PPFIBP2: variants seen among roughly 807,000 people sequenced by gnomAD.
The protein encoded by PPFIBP2 is liprin-beta-2.
Under a neutral mutation model 118.3 loss-of-function variants are expected in PPFIBP2, and 118 were observed. The ratio of observed to expected loss-of-function variants is 1.00; its 90% CI spans 0.86 to 1.16. The LOEUF (loss-of-function observed/expected upper bound fraction) is 1.16, where lower values mean the gene tolerates loss of function less well. PPFIBP2 is among the 50% of genes most tolerant of loss of function. PPFIBP2 has a pLI of 0.00. For missense variants in PPFIBP2, 1,195 were observed against 1,073.1 expected, an observed-to-expected ratio of 1.11 and a Z score of -1.59; for synonymous variants, 414 against 397.4, an observed-to-expected ratio of 1.04 and a Z score of -0.50.
intron 1 of PPFIBP2, among the ~76,000 whole-genome samples, chr11:7,542,433 C>A (rs1851895525): frequency 6.6e-6 from 1 of 152,190 alleles, no homozygotes; most frequent in Admixed American, 6.5e-5. Context: ...TATATATCCA[C>A]ACAATTTAAA....
chr11:7,550,017 A>G (rs1852784401), intron 2 of PPFIBP2, among the ~76,000 whole-genome samples: 1 of 152,158 alleles, frequency 6.6e-6, no homozygotes, highest in Non-Finnish European at 1.5e-5. Context: ...TTTATGCCAT[A>G]TTGTTTTTTA....
rs1236132685 is a variant in PPFIBP2 at position 7,634,546 on chromosome 11, G to A, written c.1188G>A (p.Val396=). The change falls in exon 13 of 24, where the codon GTG becomes GTA. Residue 396 remains valine, a synonymous_variant. Transcript: ENST00000299492. ...TAGAAGACTTGAGAAGTGAATCTGT[G>A]GATAAGGTCGGCTCATCAACCTATC... ...CSLEDLRSES[V]DKCMDGNQPF... 5 of 1,612,850 alleles carry A rather than the reference G, an allele frequency of 3.1e-6. No individual in the cohort carries two copies. Among genetic ancestry groups the A allele is most frequent in the Non-Finnish European group, 4.2e-6 (5 of 1,179,056 alleles).
chr11:7,519,796 C>T (rs1235089918), intron 1 of PPFIBP2, among the ~76,000 whole-genome samples: 2 of 152,108 alleles, frequency 1.3e-5, no homozygotes, highest in East Asian at 1.9e-4. Flanking sequence ...AGATGATCAG[C>T]GAGTGCCTGG....
chr11:7,541,825 T>A (rs1385161624), intron 1 of PPFIBP2, among the ~76,000 whole-genome samples: 1 of 152,090 alleles, frequency 6.6e-6, no homozygotes, highest in Non-Finnish European at 1.5e-5. Context: ...ACACCCCACA[T>A]TGTTGCTCCT....
chr11:7,664,730 G>A, the PPFIBP2 span, among the ~76,000 whole-genome samples: 1 of 152,166 alleles, frequency 6.6e-6, no homozygotes, highest in Admixed American at 6.5e-5. Context: ...GGTGGCCAGA[G>A]TGGGGTCTCC....
intron 5 of PPFIBP2, among the ~76,000 whole-genome samples, chr11:7,606,397 A>G (rs1590542079): frequency 6.6e-6 from 1 of 152,154 alleles, no homozygotes; most frequent in South Asian, 2.1e-4. Flanking sequence ...GGATCTGGAG[A>G]TGGGGAAGTA....
intron 2 of PPFIBP2, 149 bp downstream of exon 2, chr11:7,549,688 T>TC: frequency 1.2e-6 from 1 of 825,482 alleles, no homozygotes; most frequent in Admixed American, 3.4e-5. Context: ...GTATGTAATC[T>TC]CTTTTTTTTC....
chr11:7,648,932 A>G, intron 19 of PPFIBP2, 21 bp downstream of exon 19: 1 of 1,586,324 alleles, frequency 6.3e-7, no homozygotes, highest in Non-Finnish European at 8.7e-7. Flanking sequence ...GCATATATGT[A>G]TTAAGAATGT....
At chr11:7,629,957 A>C (rs2135741706) in intron 10 of PPFIBP2, among the ~76,000 whole-genome samples, 1 of 152,306 alleles carries the variant, frequency 6.6e-6, no homozygotes, top group East Asian at 1.9e-4. Context: ...GCCCTCTGGG[A>C]GCCTTCCTCG....
chr11:7,614,168 G>A (rs1343797697), intron 6 of PPFIBP2, among the ~76,000 whole-genome samples: 1 of 152,162 alleles, frequency 6.6e-6, no homozygotes, highest in Non-Finnish European at 1.5e-5. Flanking sequence ...TTGCATCAGT[G>A]TAGGAAATAT....
intron 1 of PPFIBP2, among the ~76,000 whole-genome samples, chr11:7,532,011 T>C (rs1850738537): frequency 1.3e-5 from 2 of 152,060 alleles, no homozygotes; most frequent in African/African-American, 4.8e-5. Flanking sequence ...AGTTTTTGTG[T>C]GTGTGTTTTT....
intron 21 of PPFIBP2, 80 bp downstream of exon 21, chr11:7,649,734 C>T: frequency 4.5e-6 from 7 of 1,572,734 alleles, no homozygotes; most frequent in Non-Finnish European, 5.2e-6. Flanking sequence ...ACAAGAATGA[C>T]ATCATAAAAG....
At chr11:7,617,856 T>G (rs1200064750) in intron 6 of PPFIBP2, among the ~76,000 whole-genome samples, 1 of 152,214 alleles carries the variant, frequency 6.6e-6, no homozygotes, top group African/African-American at 2.4e-5. Context: ...CAGGGTGATT[T>G]TATAACAACA....
At chr11:7,555,435 G>C (rs11041444) in intron 2 of PPFIBP2, among the ~76,000 whole-genome samples, 9,841 of 152,294 alleles carry the variant, frequency 0.065, 375 homozygotes, top group South Asian at 0.14. Context: ...GACCGAGATT[G>C]TTCACGTTGG....
intron 6 of PPFIBP2, among the ~76,000 whole-genome samples, chr11:7,615,548 T>C (rs1848540571): frequency 6.6e-6 from 1 of 152,136 alleles, no homozygotes; most frequent in South Asian, 2.1e-4. Context: ...GGGGCAGTAA[T>C]GGAGGGAGGG....
chr11:7,665,793 C>A, the PPFIBP2 span: 15 of 1,488,350 alleles, frequency 1.0e-5, no homozygotes, highest in African/African-American at 2.1e-4. Flanking sequence ...CAGCTGTCAG[C>A]ATTGACGAGG....
At chr11:7,559,706 C>G (rs1001866184) in intron 2 of PPFIBP2, among the ~76,000 whole-genome samples, 12 of 152,114 alleles carry the variant, frequency 7.9e-5, no homozygotes, top group African/African-American at 2.9e-4. Flanking sequence ...ATAGGCAATA[C>G]TTTGGGGTAC....
intron 3 of PPFIBP2, chr11:7,571,662 G>A (rs144207879): frequency 5.6e-4 from 85 of 152,332 alleles, no homozygotes; most frequent in African/African-American, 1.8e-3. Flanking sequence ...AGTAGAGCCT[G>A]TGTGAGCCGA....
downstream of PPFIBP2, chr11:7,656,787 G>T: frequency 7.8e-7 from 1 of 1,289,850 alleles, no homozygotes; most frequent in Non-Finnish European, 1.0e-6. Context: ...CAACTCTGAT[G>T]ACTGGAGATG....
Sources: gnomAD v4.1 joint callset for allele counts (sites outside exome capture counted in the v4.1 genomes callset) on GRCh38, gnomAD v4.1.1 for gene constraint, MANE v1.5 for transcripts, NCBI Gene and HGNC (gene_info 2026-07-23, HGNC 2026-07-21) for gene names.